The following SLCO3A1 variants were observed in gnomAD, a reference collection of about 807,000 sequenced individuals.
The protein encoded by SLCO3A1 is PGE1 transporter.
Under a neutral mutation model 63.1 loss-of-function variants are expected in SLCO3A1, and 27 were observed. That is an observed-to-expected ratio of 0.43 (90% CI 0.32 to 0.59). SLCO3A1 has a LOEUF of 0.59. SLCO3A1 is among the 20% of genes least tolerant of loss of function. The pLI, the probability that SLCO3A1 is intolerant of heterozygous loss-of-function variation, is 0.09. For missense variants in SLCO3A1, 773 were observed against 945.8 expected (o/e 0.82, Z 2.40); for synonymous variants, 473 against 409.9 (o/e 1.15, Z -1.86).
intron 2 of SLCO3A1, among the ~76,000 whole-genome samples, chr15:91,937,949 G>A (rs1869768401): frequency 6.6e-6 from 1 of 152,142 alleles, no homozygotes; most frequent in Non-Finnish European, 1.5e-5. Context: ...GGGGTTATGA[G>A]TACCTACCTT....
intron 2 of SLCO3A1, among the ~76,000 whole-genome samples, chr15:92,046,363 A>T (rs2046863190): frequency 6.6e-6 from 1 of 151,738 alleles, no homozygotes; most frequent in Admixed American, 6.6e-5. Context: ...AAAAATACCA[A>T]AAGAAAAAAA....
In SLCO3A1 at chr15:92,081,193, A is replaced by T. The variant is rs549285210; in HGVS notation, c.647-13688A>T. The stretch of plus-strand genomic sequence containing the variant: ...CAATATCAGATACTAGAGTTTATTC[A>T]TCCTGTCTATATTTTTGCACCCATT... On this transcript the variant is annotated intron_variant, in intron 2 of 9. Transcript: ENST00000318445. 7.2e-5 allele frequency among the ~76,000 whole-genome samples: 11 copies of T among 152,048 alleles called. No homozygotes were observed. The South Asian group carries it at 2.3e-3, about 32-fold the overall frequency.
At position 91,918,832 on chromosome 15, in the gene SLCO3A1, C is replaced by T. The variant is rs181869615; in HGVS notation, c.646+2374C>T. On this transcript the variant is annotated intron_variant, in intron 2 of 9. Coordinates refer to ENST00000318445, the MANE Select transcript of SLCO3A1 (RefSeq NM_013272.4). ...GGAGGAAAGTCTCAAGGGACTGATG[C>T]TGGGACTGTAGGTGTAACTGTATAT... 1.9e-3 allele frequency among the ~76,000 whole-genome samples: 289 copies of T among 152,316 alleles called. 1 individual carries two copies. Among genetic ancestry groups the T allele is most frequent in the African/African-American group, 6.6e-3 (276 of 41,562 alleles).
At position 92,144,553 on chromosome 15, in the gene SLCO3A1, G is replaced by C. The variant is rs55956389; in HGVS notation, c.1513-2431G>C. On this transcript the variant is annotated intron_variant, in intron 7 of 9. Transcript: ENST00000318445. ...GTAAATGTAATTTTCCTTACGCAAC[G>C]GTAACTTCTGTTGTCAGAGGTTCTG... Among the ~76,000 whole-genome samples, 5 of 152,130 alleles carry C rather than the reference G, an allele frequency of 3.3e-5. No individual in the cohort carries two copies. In the South Asian group the frequency reaches 1.0e-3, roughly 32 times the overall value.
At chr15:92,053,140 T>G (rs1483239540) in intron 2 of SLCO3A1, among the ~76,000 whole-genome samples, 2 of 152,108 alleles carry the variant, frequency 1.3e-5, no homozygotes, top group Admixed American at 1.3e-4. Flanking sequence ...AGGCACCGTG[T>G]AGATGCTGAG....
chr15:91,896,014 CA>C (rs1482809239), intron 1 of SLCO3A1, among the ~76,000 whole-genome samples: 1 of 152,212 alleles, frequency 6.6e-6, no homozygotes, highest in Non-Finnish European at 1.5e-5. Context: ...ACCTGTTTGT[CA>C]TTTTGCTCCT....
At chr15:92,080,749 C>T (rs557650124) in intron 2 of SLCO3A1, among the ~76,000 whole-genome samples, 225 of 152,246 alleles carry the variant, frequency 1.5e-3, no homozygotes, top group Non-Finnish European at 2.9e-3. Context: ...GCTGGCTTTA[C>T]GAGAGATTTG....
Position 92,126,076 on chromosome 15 carries a change from C to T in SLCO3A1, c.1190C>T (p.Pro397Leu), listed in dbSNP as rs1188501176. Residue 397 changes from proline to leucine, a missense_variant, in exon 6 of 10, where the codon CCG becomes CTG. Physicochemically the swap from Pro to Leu is moderately conservative, Grantham distance 98. Coordinates refer to ENST00000318445, the MANE Select transcript of SLCO3A1 (RefSeq NM_013272.4). ...ANQLLGMTAI[P>L]CACLGIFLGG... is the part of the protein sequence containing the mutation. ...TTCCTTCCAGGGATGACTGCGATCC[C>T]GTGTGCTTGTCTGGGTATCTTCCTG... The T allele has an allele frequency of 3.1e-6, 5 of 1,613,734 alleles. No individual in the cohort carries two copies. Among genetic ancestry groups the T allele is most frequent in the East Asian group, 2.2e-5 (1 of 44,818 alleles).
At chr15:92,159,253 G>A (rs1349516514) in intron 9 of SLCO3A1, among the ~76,000 whole-genome samples, 1 of 152,178 alleles carries the variant, frequency 6.6e-6, no homozygotes, top group Non-Finnish European at 1.5e-5. Context: ...TTGGGAGGCT[G>A]AGGCAGGCAG....
At chr15:92,062,613 T>G (rs548227894) in intron 2 of SLCO3A1, among the ~76,000 whole-genome samples, 3 of 152,238 alleles carry the variant, frequency 2.0e-5, no homozygotes, top group African/African-American at 7.2e-5. Flanking sequence ...GAAGAGTGAA[T>G]TTCTAATTGT....
At chr15:92,151,919 G>A (rs1005407720) in intron 9 of SLCO3A1, among the ~76,000 whole-genome samples, 3 of 152,190 alleles carry the variant, frequency 2.0e-5, no homozygotes, top group Non-Finnish European at 4.4e-5. Context: ...AAAATTGGCA[G>A]CAACCCAAAA....
chr15:92,008,292 T>C (rs944125143), intron 2 of SLCO3A1, among the ~76,000 whole-genome samples: 1 of 152,190 alleles, frequency 6.6e-6, no homozygotes, highest in Non-Finnish European at 1.5e-5. Flanking sequence ...GCTCAGGCTT[T>C]ATGGTAACAC....
chr15:92,151,252 C>T, intron 9 of SLCO3A1: 1 of 431,834 alleles, frequency 2.3e-6, no homozygotes. Context: ...CGTGAATTCT[C>T]ATCGGCATAA....
At chr15:92,118,633 C>G (rs942087987) in intron 4 of SLCO3A1, among the ~76,000 whole-genome samples, 2 of 152,128 alleles carry the variant, frequency 1.3e-5, no homozygotes, top group African/African-American at 4.8e-5. Context: ...ATAATTAGCT[C>G]TCTTCTTTAG....
At chr15:91,893,976 G>A (rs769184157) in intron 1 of SLCO3A1, among the ~76,000 whole-genome samples, 1 of 152,202 alleles carries the variant, frequency 6.6e-6, no homozygotes, top group Non-Finnish European at 1.5e-5. Context: ...CCAAAAGTGT[G>A]TTGCCATAGC....
intron 9 of SLCO3A1, among the ~76,000 whole-genome samples, chr15:92,151,863 G>A (rs146120166): frequency 2.6e-4 from 39 of 152,254 alleles, no homozygotes; most frequent in East Asian, 1.5e-3. Flanking sequence ...GTATATAATC[G>A]TGGATAAGCA....
chr15:91,910,766 C>G (rs1237635883), intron 1 of SLCO3A1, among the ~76,000 whole-genome samples: 4 of 152,242 alleles, frequency 2.6e-5, no homozygotes, highest in Admixed American at 6.5e-5. Flanking sequence ...GCACACGCCT[C>G]TACCTGCATG....
At chr15:91,889,561 G>T (rs8040897) in intron 1 of SLCO3A1, among the ~76,000 whole-genome samples, 1 of 152,174 alleles carries the variant, frequency 6.6e-6, no homozygotes, top group Admixed American at 6.5e-5. Context: ...ATTGCTGTTC[G>T]CTTAGTGTCA....
chr15:91,972,431 C>T (rs1446848116), intron 2 of SLCO3A1, among the ~76,000 whole-genome samples: 1 of 152,100 alleles, frequency 6.6e-6, no homozygotes, highest in Non-Finnish European at 1.5e-5. Context: ...TCGCCCTCTC[C>T]ATGACGTGAG....
Sources: gnomAD v4.1 joint callset for allele counts (sites outside exome capture counted in the v4.1 genomes callset) on GRCh38, gnomAD v4.1.1 for gene constraint, MANE v1.5 for transcripts, NCBI Gene and HGNC (gene_info 2026-07-23, HGNC 2026-07-21) for gene names.